The following ATP13A3 variants were observed in gnomAD, a reference collection of about 807,000 sequenced individuals.
The protein encoded by ATP13A3 is polyamine-transporting ATPase 13A3.
A neutral mutation model predicts 158.1 loss-of-function variants in ATP13A3; 59 were observed. That is an observed-to-expected ratio of 0.37 (90% CI 0.30 to 0.46). The LOEUF (loss-of-function observed/expected upper bound fraction) is 0.46. Ranked by LOEUF, ATP13A3 falls within the 20% of genes least tolerant of loss-of-function variation. ATP13A3 has a pLI of 1.00. For synonymous variants in ATP13A3, 491 were observed against 504.3 expected (o/e 0.97, Z 0.35); for missense variants, 1,166 against 1,525.2 (o/e 0.76, Z 3.92).
intron 1 of ATP13A3, among the ~76,000 whole-genome samples, chr3:194,486,361 G>GC (rs1026468480): frequency 1.3e-5 from 2 of 151,318 alleles, no homozygotes; most frequent in Admixed American, 6.6e-5. Context: ...CCGGCAGGCG[G>GC]CGCGTCCCCC....
intron 30 of ATP13A3, among the ~76,000 whole-genome samples, chr3:194,423,512 G>T (rs2108783152): frequency 6.6e-6 from 1 of 152,284 alleles, no homozygotes; most frequent in African/African-American, 2.4e-5. Context: ...GTGAAAACTG[G>T]CAGAATGCCT....
intron 32 of ATP13A3, chr3:194,413,162 A>T (rs938627180): frequency 6.6e-6 from 1 of 152,474 alleles, no homozygotes; most frequent in African/African-American, 2.4e-5. Flanking sequence ...GCTAACCTAA[A>T]GGCAATCCTA....
chr3:194,483,519 G>A lies in ATP13A3; in HGVS notation c.-47+2275C>T, dbSNP rs142792586. 1.9e-3 allele frequency among the ~76,000 whole-genome samples: 288 copies of A among 150,738 alleles called. 1 individual carries two copies. The highest frequency in any genetic ancestry group is 6.6e-3 in the African/African-American group (270 of 41,018). On this transcript the variant is annotated intron_variant, in intron 2 of 33. Transcript: ENST00000645319. The stretch of plus-strand genomic sequence containing the variant: ...GTGGGAGGACTGCTTGAGCCCAGAA[G>A]GTCAAGGCTGCAGTGAGCCATGACA...
At chr3:194,437,627 C>A in intron 17 of ATP13A3, 54 bp from the exon 18 acceptor site, 1 of 1,493,632 alleles carries the variant, frequency 6.7e-7, no homozygotes, top group Admixed American at 2.2e-5. Flanking sequence ...TATTAACACA[C>A]TAAAGTTAGA....
intron 30 of ATP13A3, among the ~76,000 whole-genome samples, chr3:194,422,381 A>G (rs557466814): frequency 6.6e-6 from 1 of 152,346 alleles, no homozygotes; most frequent in Non-Finnish European, 1.5e-5. Context: ...GAAGACAGCT[A>G]TCAAAACAAA....
chr3:194,449,536 T>C (rs915572566), intron 11 of ATP13A3, among the ~76,000 whole-genome samples: 9 of 151,854 alleles, frequency 5.9e-5, no homozygotes, highest in African/African-American at 1.2e-4. Context: ...AAATTAGCCA[T>C]GCATGGTGGC....
At chr3:194,457,785 C>CTTTTTT (rs147162535) in intron 6 of ATP13A3, among the ~76,000 whole-genome samples, 6 of 127,900 alleles carry the variant, frequency 4.7e-5, no homozygotes, top group Non-Finnish European at 8.3e-5. Flanking sequence ...CTTAATTATG[C>CTTTTTT]TTTTTTTTTT....
chr3:194,412,462 AACAAAT>A, intron 32 of ATP13A3, 174 bp from the exon 33 acceptor site: 1 of 562,030 alleles, frequency 1.8e-6, no homozygotes, highest in Non-Finnish European at 3.2e-6. Context: ...GGACTTTTGT[AACAAAT>A]ACAAATCATC....
chr3:194,463,729 A>T (rs73071162), intron 2 of ATP13A3, among the ~76,000 whole-genome samples: 7,208 of 152,352 alleles, frequency 0.047, 441 homozygotes, highest in African/African-American at 0.14. Flanking sequence ...AAAAATGTGC[A>T]CTAAGTAACA....
At chr3:194,425,586 G>A in intron 29 of ATP13A3, 57 bp from the exon 30 acceptor site, 2 of 1,404,554 alleles carry the variant, frequency 1.4e-6, no homozygotes, top group South Asian at 2.7e-5. Context: ...TTTCCCAAAA[G>A]AAACCAATCT....
In ATP13A3 at chr3:194,460,801, T is replaced by C. The variant is rs1405069129; in HGVS notation, c.82A>G (p.Lys28Glu). The C allele has an allele frequency of 6.2e-7, 1 of 1,614,070 alleles. No homozygotes were observed. The highest frequency in any genetic ancestry group is 8.5e-7 in the Non-Finnish European group (1 of 1,179,978). ...EIYGYNLSRWKLAIVSLGVIC... is the reference protein window; with the variant it reads ...EIYGYNLSRWELAIVSLGVIC... ...ACTCCTAAAGAAACTATGGCAAGCT[T>C]CCAGCGACTCAAATTGTAACCATAA... is the stretch of plus-strand genomic sequence containing the variant. Residue 28 changes from lysine to glutamate, a missense_variant, in exon 4 of 34, where the codon AAG (lysine) becomes GAG (glutamate). Lys to Glu is a moderately conservative substitution (Grantham distance 56, BLOSUM62 1). Coordinates refer to ENST00000645319, the MANE Select transcript of ATP13A3 (RefSeq NM_001367549.1).
In ATP13A3 at chr3:194,430,969, C is replaced by T; in HGVS notation, c.2598G>A (p.Gln866=). Residue 866 remains glutamine, a synonymous_variant, in exon 24 of 34, where the codon CAG becomes CAA. Coordinates refer to ENST00000645319, the MANE Select transcript of ATP13A3 (RefSeq NM_001367549.1). ...FARMAPDQKT[Q]LIEALQNVDY... ...CAACATTTTGCAATGCTTCTATCAA[C>T]TGTGTCTTCTGATCAGGTGCCATAC... 1 of 1,612,890 alleles carries T rather than the reference C, an allele frequency of 6.2e-7. No homozygotes were observed. Among genetic ancestry groups the T allele is most frequent in the Non-Finnish European group, 8.5e-7 (1 of 1,179,234 alleles).
At chr3:194,473,493 A>G (rs1044136854) in intron 2 of ATP13A3, among the ~76,000 whole-genome samples, 4 of 152,022 alleles carry the variant, frequency 2.6e-5, no homozygotes, top group Non-Finnish European at 4.4e-5. Flanking sequence ...GGTGAAAAAA[A>G]AAAAACCTGA....
intron 6 of ATP13A3, 59 bp downstream of exon 6, chr3:194,459,412 C>A: frequency 8.5e-7 from 1 of 1,182,374 alleles, no homozygotes; most frequent in Non-Finnish European, 1.2e-6. Context: ...GGACTCTTTT[C>A]TATCTAGAAC....
intron 21 of ATP13A3, among the ~76,000 whole-genome samples, chr3:194,432,570 G>A (rs1029710431): frequency 6.6e-6 from 1 of 152,064 alleles, no homozygotes; most frequent in South Asian, 2.1e-4. Context: ...TTCTGGCAAG[G>A]GGAAAATAAA....
chr3:194,406,980 G>C (rs1267839357), intron 33 of ATP13A3, among the ~76,000 whole-genome samples: 2 of 152,106 alleles, frequency 1.3e-5, no homozygotes, highest in Admixed American at 1.3e-4. Context: ...AAATCCTTCT[G>C]ATCAATCCTG....
At chr3:194,444,284 T>A (rs1718244178) in intron 15 of ATP13A3, among the ~76,000 whole-genome samples, 1 of 152,176 alleles carries the variant, frequency 6.6e-6, no homozygotes, top group African/African-American at 2.4e-5. Context: ...GAATTGTCCC[T>A]TAGTAGAAGA....
intron 2 of ATP13A3, among the ~76,000 whole-genome samples, chr3:194,484,107 T>C (rs1388507077): frequency 1.3e-5 from 2 of 152,222 alleles, no homozygotes; most frequent in Non-Finnish European, 2.9e-5. Flanking sequence ...GGTTCAGAGA[T>C]GTTATGTTGC....
In ATP13A3 at chr3:194,476,266, C is replaced by A. The variant is rs1323664962; in HGVS notation, c.-47+9528G>T. 3.3e-5 allele frequency among the ~76,000 whole-genome samples: 5 copies of A among 152,258 alleles called. No homozygotes were observed. In the East Asian group the frequency reaches 9.6e-4, roughly 29 times the overall value. ...CTCAGGCTCTTCTCTTTGTAACAATCTCATCAGGGGTGGCACTACTGGACC... is the reference window on the plus strand; with the variant it reads ...CTCAGGCTCTTCTCTTTGTAACAATATCATCAGGGGTGGCACTACTGGACC... On this transcript the variant is annotated intron_variant, in intron 2 of 33. Transcript: ENST00000645319.
Sources: gnomAD v4.1 joint callset for allele counts (sites outside exome capture counted in the v4.1 genomes callset) on GRCh38, gnomAD v4.1.1 for gene constraint, MANE v1.5 for transcripts, NCBI Gene and HGNC (gene_info 2026-07-23, HGNC 2026-07-21) for gene names.